The following IL1RAPL1 variants were observed in gnomAD, a reference collection of about 807,000 sequenced individuals.
IL1RAPL1 encodes the protein interleukin-1 receptor accessory protein-like 1.
IL1RAPL1 carries 3 observed loss-of-function variants against 48.4 expected under a neutral mutation model. The ratio of observed to expected loss-of-function variants is 0.06; its 90% CI spans 0.03 to 0.16. The LOEUF is 0.16. Ranked by LOEUF, IL1RAPL1 falls within the 10% of genes least tolerant of loss-of-function variation. The pLI, the probability that IL1RAPL1 is intolerant of heterozygous loss-of-function variation, is 1.00. For synonymous variants in IL1RAPL1, 185 were observed against 187.7 expected (o/e 0.99, Z 0.12); for missense variants, 349 against 530.6 (o/e 0.66, Z 3.36).
At chrX:29,021,096 C>T (rs1328301190) in intron 2 of IL1RAPL1, among the ~76,000 whole-genome samples, 2 of 108,536 alleles carry the variant, frequency 1.8e-5, no homozygotes, top group Non-Finnish European at 3.8e-5. Flanking sequence ...TGGTGGCACA[C>T]ACCTGTAGTC....
intron 2 of IL1RAPL1, among the ~76,000 whole-genome samples, chrX:29,229,043 G>C (rs978392277): frequency 1.8e-5 from 2 of 111,731 alleles, no homozygotes; most frequent in African/African-American, 6.5e-5. Context: ...CCCATCCAAG[G>C]ACAAGTTCCA....
At chrX:29,943,057 T>G (rs1933157750) in intron 9 of IL1RAPL1, among the ~76,000 whole-genome samples, 1 of 111,460 alleles carries the variant, frequency 9.0e-6, no homozygotes, top group East Asian at 2.8e-4. Context: ...GCAAAACTAG[T>G]TTTGCAGGTT....
rs181760557 is a variant in IL1RAPL1, at chrX:29,408,578, G to A, written c.703+9270G>A. On this transcript the variant is annotated intron_variant, in intron 5 of 10. Coordinates refer to ENST00000378993, the MANE Select transcript of IL1RAPL1 (RefSeq NM_014271.4). ...GAAGTGAAGAAAGGAAAACTGATTC[G>A]AAAAGAAGCAAAAAGAATGAGGTGA... Among the ~76,000 whole-genome samples the A allele has an allele frequency of 3.6e-5, 4 of 111,563 alleles. No homozygotes were observed. In the East Asian group the frequency reaches 1.1e-3, roughly 32 times the overall value.
intron 9 of IL1RAPL1, among the ~76,000 whole-genome samples, chrX:29,951,366 C>T (rs1393903591): frequency 8.9e-6 from 1 of 111,823 alleles, no homozygotes; most frequent in Non-Finnish European, 1.9e-5. Context: ...TCAGGCTAAC[C>T]TTCAAGGAAA....
intron 6 of IL1RAPL1, among the ~76,000 whole-genome samples, chrX:29,881,980 C>T (rs1028040354): frequency 1.8e-5 from 2 of 111,034 alleles, no homozygotes; most frequent in African/African-American, 6.5e-5. Context: ...TAGAGGGAAA[C>T]CCTTGCAAAA....
intron 5 of IL1RAPL1, among the ~76,000 whole-genome samples, chrX:29,483,720 GCT>G (rs1439036686): frequency 1.3e-4 from 14 of 108,207 alleles, no homozygotes; most frequent in Non-Finnish European, 2.7e-4. Context: ...ACAGGGCCCG[GCT>G]CTGTCACTCA....
chrX:29,367,218 T>C (rs1014638297), intron 3 of IL1RAPL1, among the ~76,000 whole-genome samples: 11 of 112,225 alleles, frequency 9.8e-5, no homozygotes, highest in African/African-American at 3.6e-4. Flanking sequence ...CATTCATTTG[T>C]CCATTATAAG....
chrX:29,797,601 G>A (rs781023834), intron 6 of IL1RAPL1, among the ~76,000 whole-genome samples: 15 of 111,896 alleles, frequency 1.3e-4, no homozygotes, highest in Middle Eastern at 4.6e-3. Flanking sequence ...GGCTGGGTGC[G>A]GTGGCTCACA....
rs1438364709 is a variant in IL1RAPL1 at position 28,779,628 on chromosome X, GTGTGTGTATATA to G, written c.-24-9690_-24-9679del. On this transcript the variant is annotated intron_variant, in intron 1 of 10. Coordinates refer to ENST00000378993, the MANE Select transcript of IL1RAPL1 (RefSeq NM_014271.4). Reference sequence around the variant, plus strand: ...CAGAGTGATACTATTATGTGTGTGTGTGTGTGTATATATATATATATATATATATATATATAT... The same window carrying G: ...CAGAGTGATACTATTATGTGTGTGTGTATATATATATATATATATATATAT... 2.4e-3 allele frequency among the ~76,000 whole-genome samples: 133 copies of G among 56,191 alleles called. 1 individual carries two copies. The highest frequency in any genetic ancestry group is 9.0e-3 in the African/African-American group (124 of 13,801). The allele number at this position is 56,191 out of a possible 115,157, so 48.8% of individuals were successfully genotyped here.
intron 1 of IL1RAPL1, among the ~76,000 whole-genome samples, chrX:28,717,914 A>T (rs1486939033): frequency 9.0e-6 from 1 of 111,667 alleles, no homozygotes; most frequent in Admixed American, 9.6e-5. Flanking sequence ...ATTTTCCACA[A>T]TGAGCTTCCT....
chrX:29,794,746 A>T (rs966987565), intron 6 of IL1RAPL1, among the ~76,000 whole-genome samples: 5 of 111,961 alleles, frequency 4.5e-5, no homozygotes, highest in Non-Finnish European at 9.4e-5. Context: ...AAGGGAGTTT[A>T]GACCTAGACC....
chrX:29,708,327 C>T lies in IL1RAPL1; in HGVS notation c.778+39823C>T, dbSNP rs780292451. 9.9e-5 allele frequency among the ~76,000 whole-genome samples: 11 copies of T among 111,437 alleles called. No homozygotes were observed. In the South Asian group the frequency reaches 1.1e-3, roughly 11 times the overall value. Reference sequence around the variant, plus strand: ...ACACTACATTATTAACTGTGGTCACCGTAGAGTGCAATAAATAACTAAAAC... The same window carrying T: ...ACACTACATTATTAACTGTGGTCACTGTAGAGTGCAATAAATAACTAAAAC... On this transcript the variant is annotated intron_variant, in intron 6 of 10. Transcript: ENST00000378993.
chrX:28,675,442 A>C lies in IL1RAPL1; in HGVS notation c.-25+87395A>C, dbSNP rs932321336. 6.3e-5 allele frequency among the ~76,000 whole-genome samples: 7 copies of C among 111,713 alleles called. 1 individual carries two copies. The highest frequency in any genetic ancestry group is 1.6e-4 in the African/African-American group (5 of 30,677). ...GTCAGCCATTCTGTGTGTGTTTGCCAAGCCCCAGTGTGCTGGTATAAGTAG... is the reference window on the plus strand; with the variant it reads ...GTCAGCCATTCTGTGTGTGTTTGCCCAGCCCCAGTGTGCTGGTATAAGTAG... On this transcript the variant is annotated intron_variant, in intron 1 of 10. Transcript: ENST00000378993.
At chrX:28,803,354 G>A (rs1240579644) in intron 2 of IL1RAPL1, among the ~76,000 whole-genome samples, 3 of 111,381 alleles carry the variant, frequency 2.7e-5, no homozygotes, top group African/African-American at 9.8e-5. Context: ...TTTCCTGCTG[G>A]TCTATTGGAC....
chrX:29,627,031 G>A (rs1230531139), intron 5 of IL1RAPL1, among the ~76,000 whole-genome samples: 1 of 112,483 alleles, frequency 8.9e-6, no homozygotes, highest in Non-Finnish European at 1.9e-5. Flanking sequence ...AAGTTCATAT[G>A]TATGTATTAA....
chrX:29,389,591 G>A (rs948812570), intron 3 of IL1RAPL1, among the ~76,000 whole-genome samples: 2 of 110,955 alleles, frequency 1.8e-5, no homozygotes, highest in African/African-American at 6.6e-5. Context: ...AGAAATACTG[G>A]ACTAGAATTG....
chrX:29,849,038 G>A (rs1334544602), intron 6 of IL1RAPL1, among the ~76,000 whole-genome samples: 1 of 110,188 alleles, frequency 9.1e-6, no homozygotes, highest in African/African-American at 3.3e-5. Flanking sequence ...AAGTGCGGGG[G>A]TTACAGGCAT....
At position 29,391,019 on chromosome X, in the gene IL1RAPL1, C is replaced by G. The variant is rs199596147; in HGVS notation, c.363-5239C>G. Among the ~76,000 whole-genome samples the G allele has an allele frequency of 6.3e-5, 7 of 110,829 alleles. No individual in the cohort carries two copies. The East Asian group carries it at 1.7e-3, about 27-fold the overall frequency. On this transcript the variant is annotated intron_variant, in intron 3 of 10. Transcript: ENST00000378993. ...TGAAACCCTGTCTCTACAAAAAATACAAAAATTAGCCTGGCGTGGTAGCAT... is the reference window on the plus strand; with the variant it reads ...TGAAACCCTGTCTCTACAAAAAATAGAAAAATTAGCCTGGCGTGGTAGCAT...
At chrX:29,567,475 AT>A (rs1320508067) in intron 5 of IL1RAPL1, among the ~76,000 whole-genome samples, 1 of 111,862 alleles carries the variant, frequency 8.9e-6, no homozygotes, top group Admixed American at 9.5e-5. Context: ...GTAACAATGC[AT>A]TTTTTCTTCC....
Sources: allele counts gnomAD v4.1 joint callset (sites outside exome capture counted in the v4.1 genomes callset), GRCh38; gene constraint gnomAD v4.1.1; transcripts MANE v1.5; gene names NCBI Gene and HGNC (gene_info 2026-07-23, HGNC 2026-07-21).